The following AP1G1 variants were observed in gnomAD, a reference collection of about 807,000 sequenced individuals.
AP1G1 encodes adaptor related protein complex 1 subunit gamma 1.
In AP1G1, 7 loss-of-function variants were observed where a neutral mutation model predicts 108.3. The ratio of observed to expected loss-of-function variants is 0.06; its 90% confidence interval spans 0.04 to 0.12. The LOEUF is 0.12. Ranked by LOEUF, AP1G1 falls within the 10% of genes least tolerant of loss-of-function variation. AP1G1 has a pLI of 1.00. For missense variants in AP1G1, 756 were observed against 1,010.7 expected (o/e 0.75, Z 3.42); for synonymous variants, 379 against 353.5 (o/e 1.07, Z -0.81).
At chr16:71,746,018 C>CT (rs563880517) in intron 17 of AP1G1, among the ~76,000 whole-genome samples, 69 of 149,328 alleles carry the variant, frequency 4.6e-4, no homozygotes, top group African/African-American at 9.5e-4. Context: ...ACTCCCACTT[C>CT]TTTTTTTTTT....
intron 14 of AP1G1, 67 bp downstream of exon 14, chr16:71,750,143 G>A (rs2030408632): frequency 1.9e-6 from 3 of 1,583,298 alleles, no homozygotes; most frequent in South Asian, 2.3e-5. Flanking sequence ...GGAAAAAAAA[G>A]AAGAAAAACA....
intron 6 of AP1G1, chr16:71,766,549 A>C (rs2031324588): frequency 5.2e-6 from 2 of 381,382 alleles, no homozygotes; most frequent in South Asian, 3.9e-5. Context: ...AACAACTCTA[A>C]TGACCAAAAA....
intron 1 of AP1G1, among the ~76,000 whole-genome samples, chr16:71,797,050 A>G (rs1220237672): frequency 6.6e-6 from 1 of 151,188 alleles, no homozygotes; most frequent in Non-Finnish European, 1.5e-5. Context: ...GTATATGTAT[A>G]TAAGCATGAA....
intron 19 of AP1G1, among the ~76,000 whole-genome samples, chr16:71,742,126 T>TTAA (rs1355950906): frequency 2.0e-5 from 3 of 152,136 alleles, no homozygotes; most frequent in Non-Finnish European, 4.4e-5. Context: ...CCCAGACTTT[T>TTAA]TAACATTTTA....
At chr16:71,786,298 A>G (rs1049102943) in intron 2 of AP1G1, among the ~76,000 whole-genome samples, 1 of 152,060 alleles carries the variant, frequency 6.6e-6, no homozygotes, top group Non-Finnish European at 1.5e-5. Flanking sequence ...AATATCCCCC[A>G]AAGTCTTAAA....
At chr16:71,787,003 C>A (rs2032227797) in intron 2 of AP1G1, among the ~76,000 whole-genome samples, 2 of 151,786 alleles carry the variant, frequency 1.3e-5, no homozygotes, top group Admixed American at 1.3e-4. Flanking sequence ...CCAGCCTGGG[C>A]AACAGAGTGA....
intron 1 of AP1G1, among the ~76,000 whole-genome samples, chr16:71,802,765 T>C (rs1458435216): frequency 6.6e-6 from 1 of 151,266 alleles, no homozygotes; most frequent in Non-Finnish European, 1.5e-5. Context: ...TCCCACTGTG[T>C]TTCCCAGGCT....
chr16:71,808,164 A>T, intron 1 of AP1G1: 1 of 1,142,928 alleles, frequency 8.7e-7, no homozygotes, highest in Non-Finnish European at 1.1e-6. Context: ...AGAAAAGGGT[A>T]AACAGTATAC....
At chr16:71,785,868 C>T (rs1459288011) in intron 2 of AP1G1, among the ~76,000 whole-genome samples, 2 of 151,168 alleles carry the variant, frequency 1.3e-5, no homozygotes, top group Non-Finnish European at 1.5e-5. Context: ...GGCAACAGGG[C>T]GAGACTCCAT....
intron 13 of AP1G1, 118 bp from the exon 14 acceptor site, chr16:71,750,450 TGTCAC>T: frequency 1.6e-6 from 2 of 1,289,816 alleles, no homozygotes; most frequent in Non-Finnish European, 2.1e-6. Flanking sequence ...AGTCTCGCTC[TGTCAC>T]CCAGGCTGGA....
intron 1 of AP1G1, among the ~76,000 whole-genome samples, chr16:71,797,660 G>A (rs951330127): frequency 3.9e-5 from 6 of 152,058 alleles, no homozygotes; most frequent in Non-Finnish European, 8.8e-5. Context: ...TTAGCCGGGC[G>A]CAGTGGTGCA....
chr16:71,748,345 T>A lies in AP1G1; in HGVS notation c.1531A>T (p.Ser511Cys), dbSNP rs574008147. ...GTGGACATATTAGAGATTAGGACAC[T>A]TTCTAAAATATCCAACACTTCATCC... ...TEDEVLDILESVLISNMSTSV... is the reference protein window; with the variant it reads ...TEDEVLDILECVLISNMSTSV... The change falls in exon 16 of 23, where the codon AGT becomes TGT. Residue 511 changes from serine to cysteine, a missense_variant. Ser to Cys is a moderately radical substitution (Grantham distance 112). Around this residue, in one of 3 missense-constraint regions of AP1G1, gnomAD observed 357 missense variants for 366.5 expected, o/e 0.97. Transcript: ENST00000299980. The A allele has an allele frequency of 6.2e-7, 1 of 1,613,442 alleles. No homozygotes were observed. Among genetic ancestry groups the A allele is most frequent in the Non-Finnish European group, 8.5e-7 (1 of 1,179,826 alleles).
intron 1 of AP1G1, among the ~76,000 whole-genome samples, chr16:71,799,993 G>A (rs1201957615): frequency 6.6e-6 from 1 of 151,818 alleles, no homozygotes; most frequent in Non-Finnish European, 1.5e-5. Context: ...GGCCGATGCA[G>A]GCAGATTGCT....
intron 19 of AP1G1, among the ~76,000 whole-genome samples, chr16:71,739,678 G>C (rs146424960): frequency 0.017 from 2,601 of 150,488 alleles, 35 homozygotes; most frequent in Non-Finnish European, 0.026. Context: ...CTGGAGCCTG[G>C]AAAGTTGAGG....
At chr16:71,755,060 A>G (rs2030708909) in intron 12 of AP1G1, among the ~76,000 whole-genome samples, 1 of 152,242 alleles carries the variant, frequency 6.6e-6, no homozygotes. Context: ...TACTAAAATC[A>G]TAAGGTACTT....
At chr16:71,756,271 T>G in intron 11 of AP1G1, 112 bp from the exon 12 acceptor site, 1 of 840,448 alleles carries the variant, frequency 1.2e-6, no homozygotes, top group Non-Finnish European at 1.8e-6. Flanking sequence ...CTGACGTCCT[T>G]GCACGATCTT....
chr16:71,768,344 A>G (rs2031403579), intron 6 of AP1G1, among the ~76,000 whole-genome samples: 1 of 151,154 alleles, frequency 6.6e-6, no homozygotes, highest in Non-Finnish European at 1.5e-5. Context: ...TAAAAATACA[A>G]AACAAAATTA....
intron 2 of AP1G1, among the ~76,000 whole-genome samples, chr16:71,784,964 G>A (rs12598090): frequency 6.8e-6 from 1 of 147,736 alleles, no homozygotes; most frequent in African/African-American, 2.5e-5. Context: ...CACCATACTA[G>A]ATACTGTAGT....
chr16:71,773,480 A>G, intron 3 of AP1G1, 118 bp from the exon 4 acceptor site: 2 of 1,035,486 alleles, frequency 1.9e-6, no homozygotes, highest in East Asian at 5.7e-5. Context: ...CAATAGGATT[A>G]TTTGTTGCAG....
Sources: gnomAD v4.1 joint callset for allele counts (sites outside exome capture counted in the v4.1 genomes callset) on GRCh38, gnomAD v4.1.1 for gene constraint, gnomAD v4.1.1 regional missense constraint, MANE v1.5 for transcripts, NCBI Gene and HGNC (gene_info 2026-07-23, HGNC 2026-07-21) for gene names.